BRINP1: variants seen among roughly 807,000 people sequenced by gnomAD.
BRINP1 encodes BMP/retinoic acid-inducible neural-specific protein 1.
BRINP1 carries 17 observed loss-of-function variants against 72.9 expected under a neutral mutation model. The observed-to-expected ratio is 0.23, with a 90% CI of 0.16 to 0.35. The LOEUF (loss-of-function observed/expected upper bound fraction) is 0.35, where lower values mean the gene tolerates loss of function less well. Among genes scored for constraint, BRINP1 ranks in the 10% least tolerant of loss-of-function variants. The pLI, the probability that BRINP1 is intolerant of heterozygous loss-of-function variation, is 1.00. For synonymous variants in BRINP1, 418 were observed against 378.5 expected, an observed-to-expected ratio of 1.10 and a Z score of -1.21; for missense variants, 850 against 1,001.6, an observed-to-expected ratio of 0.85 and a Z score of 2.04.
intron 2 of BRINP1, among the ~76,000 whole-genome samples, chr9:119,250,029 G>A (rs1830366179): frequency 7.7e-6 from 1 of 129,780 alleles, no homozygotes; most frequent in African/African-American, 2.9e-5. Flanking sequence ...AGGGAAGGAG[G>A]GAAGGAAGGA....
intron 2 of BRINP1, among the ~76,000 whole-genome samples, chr9:119,276,200 C>A (rs946970858): frequency 6.6e-6 from 1 of 152,028 alleles, no homozygotes; most frequent in Non-Finnish European, 1.5e-5. Context: ...TTAATACATC[C>A]AAAACAAGGC....
intron 2 of BRINP1, among the ~76,000 whole-genome samples, chr9:119,264,376 T>A (rs1357705919): frequency 1.3e-5 from 2 of 152,214 alleles, no homozygotes; most frequent in East Asian, 3.9e-4. Flanking sequence ...CAATTCTTCT[T>A]AAATATGACA....
At chr9:119,266,521 T>G (rs1313958457) in intron 2 of BRINP1, among the ~76,000 whole-genome samples, 1 of 152,216 alleles carries the variant, frequency 6.6e-6, no homozygotes, top group Non-Finnish European at 1.5e-5. Flanking sequence ...GAAAACATTT[T>G]TAATTTATTT....
intron 2 of BRINP1, among the ~76,000 whole-genome samples, chr9:119,274,403 A>G (rs1359394221): frequency 1.3e-5 from 2 of 152,250 alleles, no homozygotes; most frequent in Admixed American, 1.3e-4. Flanking sequence ...ACAGAGTTAA[A>G]TGATTCCTCT....
chr9:119,296,205 T>G (rs1384197819), intron 2 of BRINP1, among the ~76,000 whole-genome samples: 2 of 151,978 alleles, frequency 1.3e-5, no homozygotes, highest in Non-Finnish European at 2.9e-5. Context: ...AAGAAAGAAA[T>G]AACTCGATGT....
chr9:119,282,245 G>A (rs1369839440), intron 2 of BRINP1, among the ~76,000 whole-genome samples: 1 of 151,672 alleles, frequency 6.6e-6, no homozygotes, highest in Non-Finnish European at 1.5e-5. Flanking sequence ...CAGTGTTGGG[G>A]AGAGTGCTGA....
intron 5 of BRINP1, among the ~76,000 whole-genome samples, chr9:119,235,036 G>A (rs887342620): frequency 2.6e-5 from 4 of 151,810 alleles, no homozygotes; most frequent in African/African-American, 2.4e-5. Flanking sequence ...AGTAACTCTG[G>A]GATTGCTCCA....
intron 1 of BRINP1, among the ~76,000 whole-genome samples, chr9:119,334,493 A>C (rs375180519): frequency 2.0e-5 from 3 of 152,352 alleles, no homozygotes; most frequent in East Asian, 3.9e-4. Context: ...AGATAAAGTC[A>C]GAAGCAGGGT....
At position 119,171,591 on chromosome 9, in the gene BRINP1, A is replaced by C. The variant is rs1448937262; in HGVS notation, c.1146-3367T>G. 1.5e-3 allele frequency among the ~76,000 whole-genome samples: 202 copies of C among 138,684 alleles called. 2 individuals are homozygous for C. Among genetic ancestry groups the C allele is most frequent in the African/African-American group, 5.2e-3 (191 of 37,076 alleles). 91.0% of individuals were successfully genotyped at this position (138,684 alleles called of 152,430 possible). The stretch of plus-strand genomic sequence containing the variant: ...AGATCAACGAGACAGAAAGTCAACA[A>C]GGATACCCAGGAATTGAACTCAGCT... On this transcript the variant is annotated intron_variant, in intron 7 of 7. Coordinates refer to ENST00000265922, the MANE Select transcript of BRINP1 (RefSeq NM_014618.3).
chr9:119,366,498 A>C (rs2031379), intron 1 of BRINP1, among the ~76,000 whole-genome samples: 4 of 144,726 alleles, frequency 2.8e-5, no homozygotes, highest in African/African-American at 5.2e-5. Flanking sequence ...TCCTCCCCCC[A>C]CCACCGTGTG....
intron 7 of BRINP1, among the ~76,000 whole-genome samples, chr9:119,195,347 G>A (rs995304734): frequency 6.6e-6 from 1 of 152,186 alleles, no homozygotes; most frequent in African/African-American, 2.4e-5. Context: ...AAGAAAAGAG[G>A]CCTATGCCTA....
intron 7 of BRINP1, among the ~76,000 whole-genome samples, chr9:119,193,619 A>C (rs1008451834): frequency 6.6e-6 from 1 of 152,206 alleles, no homozygotes; most frequent in African/African-American, 2.4e-5. Context: ...TATAGTAACC[A>C]TTTTGCTGTC....
At chr9:119,276,743 G>A (rs1225798679) in intron 2 of BRINP1, among the ~76,000 whole-genome samples, 2 of 152,146 alleles carry the variant, frequency 1.3e-5, no homozygotes, top group African/African-American at 4.8e-5. Flanking sequence ...CACTTTAAAT[G>A]ATGTAGATAC....
intron 2 of BRINP1, among the ~76,000 whole-genome samples, chr9:119,255,903 C>A (rs559023123): frequency 7.6e-6 from 1 of 130,958 alleles, no homozygotes; most frequent in Non-Finnish European, 1.5e-5. Context: ...TGCAGTGAGC[C>A]GGGATCGAGC....
Position 119,314,976 on chromosome 9 carries a change from C to T in BRINP1, c.-50-1571G>A, listed in dbSNP as rs182697220. Among the ~76,000 whole-genome samples the T allele has an allele frequency of 8.5e-5, 13 of 152,230 alleles. No individual in the cohort carries two copies. In the East Asian group the frequency reaches 2.3e-3, roughly 27 times the overall value. ...ACAGTGTTTTTGTTCACCTGATCCCCACTGCCTGGCCAAACCCTGTTTAAA... is the reference window on the plus strand; with the variant it reads ...ACAGTGTTTTTGTTCACCTGATCCCTACTGCCTGGCCAAACCCTGTTTAAA... On this transcript the variant is annotated intron_variant, in intron 1 of 7. Transcript: ENST00000265922.
intron 7 of BRINP1, among the ~76,000 whole-genome samples, chr9:119,180,982 TG>T (rs1184768863): frequency 6.6e-6 from 1 of 152,090 alleles, no homozygotes; most frequent in Non-Finnish European, 1.5e-5. Flanking sequence ...GGAGCCTAAT[TG>T]AGGAGGATTA....
At chr9:119,261,196 A>G (rs1305695717) in intron 2 of BRINP1, among the ~76,000 whole-genome samples, 2 of 152,216 alleles carry the variant, frequency 1.3e-5, no homozygotes, top group African/African-American at 4.8e-5. Flanking sequence ...GGAGGGATTC[A>G]GAATCCAACG....
At chr9:119,184,914 G>A (rs1315426752) in intron 7 of BRINP1, among the ~76,000 whole-genome samples, 2 of 152,134 alleles carry the variant, frequency 1.3e-5, no homozygotes, top group Non-Finnish European at 2.9e-5. Flanking sequence ...TGTATACTGA[G>A]TGAGAAAAGG....
intron 1 of BRINP1, among the ~76,000 whole-genome samples, chr9:119,339,236 A>C (rs1053770558): frequency 2.0e-5 from 3 of 152,240 alleles, no homozygotes; most frequent in African/African-American, 7.2e-5. Context: ...ATCAATAAAC[A>C]AATGAGCATG....
Sources: gnomAD v4.1 joint callset for allele counts (sites outside exome capture counted in the v4.1 genomes callset) on GRCh38, gnomAD v4.1.1 for gene constraint, MANE v1.5 for transcripts, NCBI Gene and HGNC (gene_info 2026-07-23, HGNC 2026-07-21) for gene names.